RGS7: variants seen among roughly 807,000 people sequenced by gnomAD.
RGS7 encodes regulator of G-protein signaling 7.
In RGS7, 27 loss-of-function variants were observed where a neutral mutation model predicts 81.1. The observed-to-expected ratio is 0.33, with a 90% CI of 0.25 to 0.46. The LOEUF (loss-of-function observed/expected upper bound fraction) is 0.46, where lower values mean the gene tolerates loss of function less well. Ranked by LOEUF, RGS7 falls within the 20% of genes least tolerant of loss-of-function variation. The pLI, the probability that RGS7 is intolerant of heterozygous loss-of-function variation, is 1.00. For missense variants in RGS7, 396 were observed against 607.4 expected, an observed-to-expected ratio of 0.65 and a Z score of 3.66; for synonymous variants, 208 against 207.7, an observed-to-expected ratio of 1.00 and a Z score of -0.01.
intron 4 of RGS7, among the ~76,000 whole-genome samples, chr1:240,951,395 A>G (rs904140960): frequency 1.3e-5 from 2 of 152,238 alleles, no homozygotes; most frequent in Non-Finnish European, 2.9e-5. Flanking sequence ...AAAAGTGCAA[A>G]ACATGGAAGA....
chr1:241,262,094 C>A (rs2077367251), intron 2 of RGS7, among the ~76,000 whole-genome samples: 1 of 151,922 alleles, frequency 6.6e-6, no homozygotes, highest in African/African-American at 2.4e-5. Context: ...AATTTCAGAC[C>A]CTCACATGAA....
chr1:241,347,230 C>A (rs1431110451), intron 2 of RGS7, among the ~76,000 whole-genome samples: 1 of 152,086 alleles, frequency 6.6e-6, no homozygotes, highest in Admixed American at 6.5e-5. Flanking sequence ...GGACACACAG[C>A]AAGCAGAGGA....
intron 3 of RGS7, among the ~76,000 whole-genome samples, chr1:241,036,103 A>G (rs2148747922): frequency 6.6e-6 from 1 of 152,344 alleles, no homozygotes; most frequent in East Asian, 1.9e-4. Context: ...AAATAAAAAG[A>G]TAATTCCTAC....
At chr1:240,887,355 A>C (rs2148124573) in intron 6 of RGS7, among the ~76,000 whole-genome samples, 1 of 150,898 alleles carries the variant, frequency 6.6e-6, no homozygotes, top group African/African-American at 2.5e-5. Context: ...CAGCCTCCCG[A>C]GTAGCTGGGA....
At chr1:241,034,834 C>T (rs1385591797) in intron 3 of RGS7, among the ~76,000 whole-genome samples, 14 of 152,118 alleles carry the variant, frequency 9.2e-5, no homozygotes, top group African/African-American at 3.4e-4. Flanking sequence ...AAATTTACAA[C>T]CAGCACAAGG....
At chr1:241,352,560 T>C (rs1379771267) in intron 2 of RGS7, among the ~76,000 whole-genome samples, 1 of 152,246 alleles carries the variant, frequency 6.6e-6, no homozygotes, top group African/African-American at 2.4e-5. Context: ...CCCTGTATTA[T>C]GCCAAAAACC....
chr1:240,932,953 G>A (rs1157487599), intron 5 of RGS7, among the ~76,000 whole-genome samples: 18 of 124,732 alleles, frequency 1.4e-4, no homozygotes, highest in South Asian at 7.7e-4. Context: ...GCGCGATCTC[G>A]GCTCACTGCA....
At chr1:240,799,628 A>C (rs1687710449) in intron 18 of RGS7, among the ~76,000 whole-genome samples, 1 of 152,134 alleles carries the variant, frequency 6.6e-6, no homozygotes, top group South Asian at 2.1e-4. Context: ...CTTGGGCCAC[A>C]CATAAAATAC....
chr1:241,130,280 T>G (rs556143018), intron 2 of RGS7, among the ~76,000 whole-genome samples: 1 of 152,238 alleles, frequency 6.6e-6, no homozygotes, highest in Non-Finnish European at 1.5e-5. Context: ...TCACCAGATG[T>G]TCCTTTAATT....
intron 2 of RGS7, among the ~76,000 whole-genome samples, chr1:241,245,494 A>G (rs1035943362): frequency 1.4e-5 from 2 of 141,452 alleles, no homozygotes; most frequent in Non-Finnish European, 3.0e-5. Context: ...TTTCCTTATA[A>G]AAAAAAAAAA....
intron 3 of RGS7, among the ~76,000 whole-genome samples, chr1:240,986,914 T>C (rs1437316122): frequency 6.6e-6 from 1 of 152,254 alleles, no homozygotes; most frequent in Non-Finnish European, 1.5e-5. Context: ...TGATGTTAAA[T>C]TGATCTTAAA....
chr1:241,157,909 C>T (rs533632237), intron 2 of RGS7, among the ~76,000 whole-genome samples: 170 of 368 alleles, frequency 0.46, 2 homozygotes, highest in African/African-American at 0.49. Context: ...AGCTCCACCT[C>T]CCGGTCACGC....
rs1676409947 is a variant in RGS7 at position 240,935,162 on chromosome 1, T to C, written c.333+1438A>G. 2.6e-5 allele frequency among the ~76,000 whole-genome samples: 4 copies of C among 152,018 alleles called. 1 individual carries two copies. In the South Asian group the frequency reaches 8.3e-4, roughly 31 times the overall value. On this transcript the variant is annotated intron_variant, in intron 5 of 18. Transcript: ENST00000440928. Reference sequence around the variant, plus strand: ...GATAGCCCGCCCTGGCCTCCCAAAGTGCTGGGACTACAGGCATGAGCCACT... The same window carrying C: ...GATAGCCCGCCCTGGCCTCCCAAAGCGCTGGGACTACAGGCATGAGCCACT...
chr1:241,249,153 T>C (rs1032051170), intron 2 of RGS7, among the ~76,000 whole-genome samples: 1 of 152,190 alleles, frequency 6.6e-6, no homozygotes, highest in Non-Finnish European at 1.5e-5. Context: ...TTTTGGTTTA[T>C]AGATTGTGCT....
intron 6 of RGS7, among the ~76,000 whole-genome samples, chr1:240,872,822 T>TA (rs1266614671): frequency 6.6e-6 from 1 of 152,126 alleles, no homozygotes; most frequent in East Asian, 1.9e-4. Context: ...CTCATGCCTG[T>TA]AATCCCAGCA....
chr1:241,298,777 C>T (rs1016284456), intron 2 of RGS7, among the ~76,000 whole-genome samples: 8 of 152,264 alleles, frequency 5.3e-5, no homozygotes, highest in Non-Finnish European at 7.4e-5. Context: ...CACAGGCGAT[C>T]CATGCTGGCC....
At chr1:240,929,287 G>C (rs566812636) in intron 6 of RGS7, among the ~76,000 whole-genome samples, 1 of 152,224 alleles carries the variant, frequency 6.6e-6, no homozygotes, top group Admixed American at 6.5e-5. Context: ...CATTATCCTA[G>C]CTTGAATAAA....
chr1:240,979,100 A>G (rs1363674268), intron 4 of RGS7, among the ~76,000 whole-genome samples: 1 of 152,214 alleles, frequency 6.6e-6, no homozygotes, highest in African/African-American at 2.4e-5. Context: ...TCAGTTTTAA[A>G]AAACAGCATA....
At chr1:241,273,201 T>G (rs941838186) in intron 2 of RGS7, among the ~76,000 whole-genome samples, 2 of 125,866 alleles carry the variant, frequency 1.6e-5, no homozygotes, top group Non-Finnish European at 3.2e-5. Flanking sequence ...GATACACTCC[T>G]TCTTCTCTCA....
Sources: allele counts gnomAD v4.1 joint callset (sites outside exome capture counted in the v4.1 genomes callset), GRCh38; gene constraint gnomAD v4.1.1; transcripts MANE v1.5; gene names NCBI Gene and HGNC (gene_info 2026-07-23, HGNC 2026-07-21).